Variants in SMYD2 observed in about 807,000 individuals in gnomAD.
SMYD2 encodes SET and MYND domain containing 2.
SMYD2 carries 53 observed loss-of-function variants against 59.1 expected under a neutral mutation model. The observed-to-expected ratio is 0.90, with a 90% CI of 0.72 to 1.13. The LOEUF is 1.13. Ranked by LOEUF, SMYD2 falls within the 50% of genes most tolerant of loss-of-function variation. The pLI, the probability that SMYD2 is intolerant of heterozygous loss-of-function variation, is 0.00. For missense variants in SMYD2, 494 were observed against 544.7 expected, an observed-to-expected ratio of 0.91 and a Z score of 0.93; for synonymous variants, 208 against 198.8, an observed-to-expected ratio of 1.05 and a Z score of -0.39.
chr1:214,306,033 G>A (rs1656910256), intron 2 of SMYD2, among the ~76,000 whole-genome samples: 1 of 152,224 alleles, frequency 6.6e-6, no homozygotes, highest in African/African-American at 2.4e-5. Flanking sequence ...GTATGGCATT[G>A]TGAATTTCTA....
chr1:214,294,487 G>A (rs2102456784), intron 1 of SMYD2, among the ~76,000 whole-genome samples: 1 of 152,294 alleles, frequency 6.6e-6, no homozygotes, highest in Middle Eastern at 3.4e-3. Context: ...GGCCAACATG[G>A]TGAAACCCCG....
rs943912965 is a variant in SMYD2, at chr1:214,314,814, G to A, written c.290G>A (p.Gly97Glu). The stretch of plus-strand genomic sequence containing the variant: ...GAATGTTCTCCCATGGTTGTTTTTG[G>A]GGAAAACTGGAATCCCTCGGAGACT... ...KLECSPMVVF[G>E]ENWNPSETVR... The change falls in exon 3 of 12, where the codon GGG becomes GAG. Residue 97 changes from glycine to glutamate, a missense_variant. Physicochemically the swap from Gly to Glu is moderately conservative, Grantham distance 98 (BLOSUM62 -2). Coordinates refer to ENST00000366957, the MANE Select transcript of SMYD2 (RefSeq NM_020197.3). 1 of 1,614,086 alleles carries A rather than the reference G, an allele frequency of 6.2e-7. No individual in the cohort carries two copies. Among genetic ancestry groups the A allele is most frequent in the South Asian group, 1.1e-5 (1 of 91,058 alleles).
At chr1:214,288,938 C>CTTT (rs10660642) in intron 1 of SMYD2, among the ~76,000 whole-genome samples, 39,758 of 136,552 alleles carry the variant, frequency 0.29, 6,126 homozygotes, top group Middle Eastern at 0.42. Context: ...AGCCCATAGT[C>CTTT]TTTTTTTTTT....
chr1:214,336,820 A>G lies in SMYD2; in HGVS notation c.*36A>G, dbSNP rs1238115148. 6.4e-7 allele frequency: 1 copy of G among 1,565,954 alleles called. No homozygotes were observed. The highest frequency in any genetic ancestry group is 8.8e-7 in the Non-Finnish European group (1 of 1,141,376). ...CATTTCAGTTTTCATTTAAACACTTAGTTCAGAAACCTTAAAGGATTTGAA... is the reference window on the plus strand; with the variant it reads ...CATTTCAGTTTTCATTTAAACACTTGGTTCAGAAACCTTAAAGGATTTGAA... On this transcript the variant is annotated 3_prime_UTR_variant, in exon 12 of 12. Coordinates refer to ENST00000366957, the MANE Select transcript of SMYD2 (RefSeq NM_020197.3).
intron 2 of SMYD2, among the ~76,000 whole-genome samples, chr1:214,310,532 A>C (rs902820944): frequency 1.3e-4 from 18 of 141,046 alleles, no homozygotes; most frequent in African/African-American, 4.8e-4. Flanking sequence ...GGAAAATGAG[A>C]TCCTAGTTTA....
chr1:214,309,428 T>C (rs927017240), intron 2 of SMYD2, among the ~76,000 whole-genome samples: 2 of 152,232 alleles, frequency 1.3e-5, no homozygotes, highest in South Asian at 2.1e-4. Context: ...AAAGTTGTTA[T>C]ATAGAATAAT....
chr1:214,284,534 C>T (rs1488062900), intron 1 of SMYD2, among the ~76,000 whole-genome samples: 2 of 150,558 alleles, frequency 1.3e-5, no homozygotes, highest in African/African-American at 4.9e-5. Context: ...CTGCGCCGGG[C>T]CAAGTATGTT....
chr1:214,286,635 G>A (rs543862040), intron 1 of SMYD2, among the ~76,000 whole-genome samples: 1 of 149,956 alleles, frequency 6.7e-6, no homozygotes, highest in South Asian at 2.1e-4. Flanking sequence ...GCCAGGTGTA[G>A]TATAGTCCCA....
chr1:214,329,213 T>C (rs1432361599), intron 7 of SMYD2, among the ~76,000 whole-genome samples: 2 of 152,132 alleles, frequency 1.3e-5, no homozygotes, highest in Non-Finnish European at 2.9e-5. Context: ...AGAAACCCCA[T>C]TCCCCAGGGT....
At chr1:214,294,229 G>A (rs555290187) in intron 1 of SMYD2, among the ~76,000 whole-genome samples, 2 of 152,208 alleles carry the variant, frequency 1.3e-5, no homozygotes, top group Non-Finnish European at 1.5e-5. Context: ...ATCAGTTTAA[G>A]TTTTCAAGGT....
At chr1:214,302,908 A>T (rs987954775) in intron 1 of SMYD2, among the ~76,000 whole-genome samples, 1 of 152,114 alleles carries the variant, frequency 6.6e-6, no homozygotes, top group Non-Finnish European at 1.5e-5. Flanking sequence ...ATAATTTTCT[A>T]ATCTCTTACA....
chr1:214,319,280 A>C (rs1657134058), intron 5 of SMYD2, among the ~76,000 whole-genome samples: 2 of 152,300 alleles, frequency 1.3e-5, no homozygotes, highest in South Asian at 4.1e-4. Context: ...ACTCTGGCAT[A>C]CTTTAAGCTC....
chr1:214,314,742 G>C lies in SMYD2; in HGVS notation c.238-20G>C, dbSNP rs763547716. 5 of 1,588,714 alleles carry C rather than the reference G, an allele frequency of 3.1e-6. No individual in the cohort carries two copies. The Admixed American group carries it at 6.7e-5, about 21-fold the overall frequency. On this transcript the variant is annotated intron_variant, in intron 2 of 11. Transcript: ENST00000366957. ...AGTGTATGTGCTATTTTTTAATAAT[G>C]TTTTTTTCAATCTTCCCAGAAAGAA...
intron 2 of SMYD2, among the ~76,000 whole-genome samples, chr1:214,311,015 A>T (rs1656991450): frequency 6.6e-6 from 1 of 152,192 alleles, no homozygotes; most frequent in Admixed American, 6.5e-5. Flanking sequence ...TACTGTGGTA[A>T]ATTTCCTTTG....
At chr1:214,299,465 T>TATATATATATATATA (rs1553254476) in intron 1 of SMYD2, among the ~76,000 whole-genome samples, 8 of 71,588 alleles carry the variant, frequency 1.1e-4, no homozygotes, top group South Asian at 4.1e-4. Context: ...AAAGAAAACA[T>TATATATATATATATA]TATATATATA....
intron 1 of SMYD2, among the ~76,000 whole-genome samples, chr1:214,291,032 C>G (rs1334712640): frequency 6.6e-6 from 1 of 152,144 alleles, no homozygotes; most frequent in Non-Finnish European, 1.5e-5. Flanking sequence ...AAAACCTCAC[C>G]AATAAGACAC....
At chr1:214,284,856 A>C (rs1354092573) in intron 1 of SMYD2, among the ~76,000 whole-genome samples, 1 of 152,162 alleles carries the variant, frequency 6.6e-6, no homozygotes, top group East Asian at 1.9e-4. Context: ...TCTCAGAAGG[A>C]GAGAAATCTG....
intron 3 of SMYD2, among the ~76,000 whole-genome samples, chr1:214,317,034 T>G (rs991062737): frequency 2.6e-5 from 4 of 152,126 alleles, no homozygotes; most frequent in African/African-American, 9.7e-5. Flanking sequence ...TATAGTGATA[T>G]GTTAAGAATT....
intron 1 of SMYD2, among the ~76,000 whole-genome samples, chr1:214,291,565 A>T (rs574942419): frequency 6.6e-6 from 1 of 152,284 alleles, no homozygotes; most frequent in African/African-American, 2.4e-5. Flanking sequence ...TGAGTTCTTG[A>T]GTTATTGGGC....
Sources: allele counts gnomAD v4.1 joint callset (sites outside exome capture counted in the v4.1 genomes callset), GRCh38; gene constraint gnomAD v4.1.1; transcripts MANE v1.5; gene names NCBI Gene and HGNC (gene_info 2026-07-23, HGNC 2026-07-21).